The following CCDC6 variants were observed in gnomAD, a reference collection of about 807,000 sequenced individuals.
CCDC6 encodes the protein coiled-coil domain containing 6.
Under a neutral mutation model 56.6 loss-of-function variants are expected in CCDC6, and 20 were observed. The observed-to-expected ratio is 0.35, with a 90% confidence interval of 0.25 to 0.51. The LOEUF is 0.51. Ranked by LOEUF, CCDC6 falls within the 20% of genes least tolerant of loss-of-function variation. The pLI is 0.95. For missense variants in CCDC6, 367 were observed against 601.1 expected, an observed-to-expected ratio of 0.61 and a Z score of 4.07; for synonymous variants, 241 against 234.4, an observed-to-expected ratio of 1.03 and a Z score of -0.26.
chr10:59,795,016 G>C (rs1221995094), intron 7 of CCDC6, among the ~76,000 whole-genome samples: 2 of 151,894 alleles, frequency 1.3e-5, no homozygotes, highest in East Asian at 3.9e-4. Context: ...ACTCTTAGAA[G>C]GAAAATAGGG....
intron 1 of CCDC6, among the ~76,000 whole-genome samples, chr10:59,878,396 C>T (rs1333676267): frequency 1.3e-5 from 2 of 152,172 alleles, no homozygotes; most frequent in Non-Finnish European, 2.9e-5. Flanking sequence ...CTCCTCTTCA[C>T]CTTCCTTCCC....
At chr10:59,874,581 A>G (rs1350481863) in intron 1 of CCDC6, among the ~76,000 whole-genome samples, 2 of 152,198 alleles carry the variant, frequency 1.3e-5, no homozygotes, top group Non-Finnish European at 2.9e-5. Context: ...CCCAGAACCT[A>G]TGAAAATGTT....
chr10:59,854,417 CA>C (rs1254526214), intron 1 of CCDC6, among the ~76,000 whole-genome samples: 18 of 152,164 alleles, frequency 1.2e-4, no homozygotes, highest in African/African-American at 4.3e-4. Flanking sequence ...TACACAAACA[CA>C]AACAGTGGAG....
chr10:59,879,257 G>A (rs573544846), intron 1 of CCDC6, among the ~76,000 whole-genome samples: 7 of 152,238 alleles, frequency 4.6e-5, no homozygotes, highest in African/African-American at 1.7e-4. Context: ...TATACTTCCT[G>A]TTCAGAACAC....
chr10:59,828,382 T>A (rs568914700), intron 3 of CCDC6, among the ~76,000 whole-genome samples: 1 of 152,336 alleles, frequency 6.6e-6, no homozygotes, highest in South Asian at 2.1e-4. Flanking sequence ...TATGCTTTTT[T>A]ACATCTGCTT....
At chr10:59,878,937 T>C (rs1191213182) in intron 1 of CCDC6, among the ~76,000 whole-genome samples, 1 of 152,172 alleles carries the variant, frequency 6.6e-6, no homozygotes, top group Non-Finnish European at 1.5e-5. Context: ...TTTGTGTGCT[T>C]GGAGGGAAGG....
intron 1 of CCDC6, among the ~76,000 whole-genome samples, chr10:59,880,045 C>T (rs2071319591): frequency 6.6e-6 from 1 of 152,288 alleles, no homozygotes; most frequent in East Asian, 1.9e-4. Context: ...CATGCTACAT[C>T]TATAAGAGAA....
intron 1 of CCDC6, among the ~76,000 whole-genome samples, chr10:59,871,044 C>T (rs1664255): frequency 0.52 from 78,497 of 151,774 alleles, 21,140 homozygotes; most frequent in East Asian, 0.73. Flanking sequence ...GCCTGAGATA[C>T]AGTAAATTGG....
intron 1 of CCDC6, among the ~76,000 whole-genome samples, chr10:59,899,974 A>AG (rs2132688187): frequency 6.6e-6 from 1 of 152,342 alleles, no homozygotes; most frequent in Non-Finnish European, 1.5e-5. Context: ...CTGTTGTGGC[A>AG]GGGGAGTGGC....
intron 3 of CCDC6, among the ~76,000 whole-genome samples, chr10:59,816,799 T>G (rs957182945): frequency 1.3e-5 from 2 of 152,152 alleles, no homozygotes; most frequent in East Asian, 1.9e-4. Context: ...CCTTAGTACA[T>G]CCTCAGTATC....
At chr10:59,808,841 C>T (rs2070649315) in intron 5 of CCDC6, among the ~76,000 whole-genome samples, 1 of 152,190 alleles carries the variant, frequency 6.6e-6, no homozygotes, top group Non-Finnish European at 1.5e-5. Context: ...TCAATGATTT[C>T]CAAGACAGCA....
chr10:59,816,069 C>T (rs2070707496), intron 3 of CCDC6, among the ~76,000 whole-genome samples: 1 of 152,240 alleles, frequency 6.6e-6, no homozygotes, highest in African/African-American at 2.4e-5. Context: ...ACCCAAGGTC[C>T]TTAAGGAGCT....
chr10:59,856,211 A>G (rs1329719098), intron 1 of CCDC6, among the ~76,000 whole-genome samples: 1 of 152,166 alleles, frequency 6.6e-6, no homozygotes, highest in African/African-American at 2.4e-5. Context: ...CAGAGAAAAC[A>G]TCAGTACAAG....
chr10:59,814,308 A>G (rs953715714), intron 4 of CCDC6, among the ~76,000 whole-genome samples: 3 of 152,222 alleles, frequency 2.0e-5, no homozygotes, highest in Admixed American at 6.5e-5. Context: ...GTACTTTACA[A>G]AACAACTGAG....
intron 1 of CCDC6, among the ~76,000 whole-genome samples, chr10:59,891,177 T>C (rs949875755): frequency 6.6e-6 from 1 of 152,368 alleles, no homozygotes; most frequent in African/African-American, 2.4e-5. Context: ...TCATTGTTTA[T>C]TTCCAATTGA....
intron 3 of CCDC6, among the ~76,000 whole-genome samples, chr10:59,825,250 T>TC (rs2070778473): frequency 6.6e-6 from 1 of 152,190 alleles, no homozygotes; most frequent in South Asian, 2.1e-4. Flanking sequence ...AGGGGCAGTT[T>TC]CCCCCATAGC....
intron 1 of CCDC6, 38 bp from the exon 2 acceptor site, chr10:59,852,740 A>G (rs753978269): frequency 6.8e-7 from 1 of 1,461,040 alleles, no homozygotes; most frequent in Non-Finnish European, 9.1e-7. Flanking sequence ...AAAACAAAAC[A>G]CATGTTAAGG....
chr10:59,897,306 T>G (rs909710831), intron 1 of CCDC6, among the ~76,000 whole-genome samples: 10 of 151,534 alleles, frequency 6.6e-5, no homozygotes, highest in African/African-American at 2.2e-4. Flanking sequence ...CAGGCTGGAG[T>G]AAAATGGTGC....
chr10:59,826,787 T>A (rs753585231), intron 3 of CCDC6, among the ~76,000 whole-genome samples: 3 of 152,116 alleles, frequency 2.0e-5, no homozygotes, highest in Non-Finnish European at 4.4e-5. Flanking sequence ...AGTGAAACAT[T>A]TGAGGCTTAA....
Sources: allele counts gnomAD v4.1 joint callset (sites outside exome capture counted in the v4.1 genomes callset), GRCh38; gene constraint gnomAD v4.1.1; transcripts MANE v1.5; gene names NCBI Gene and HGNC (gene_info 2026-07-23, HGNC 2026-07-21).